CMC1: variants seen among roughly 807,000 people sequenced by gnomAD.
The protein encoded by CMC1 is COX assembly mitochondrial protein homolog.
A neutral mutation model predicts 14.1 loss-of-function variants in CMC1; 14 were observed. That is an observed-to-expected ratio of 0.99 (90% CI 0.66 to 1.55). CMC1 has a LOEUF of 1.55. CMC1 is among the 40% of genes most tolerant of loss of function. The probability of loss-of-function intolerance (pLI) is 0.00; values close to 1 mark genes in which losing one functional copy is unlikely to be tolerated. For missense variants in CMC1, 127 were observed against 123.8 expected, an observed-to-expected ratio of 1.03 and a Z score of -0.12; for synonymous variants, 50 against 38.4, an observed-to-expected ratio of 1.30 and a Z score of -1.12.
chr3:28,303,538 G>GT (rs1702160836), intron 2 of CMC1, among the ~76,000 whole-genome samples: 1 of 152,058 alleles, frequency 6.6e-6, no homozygotes, highest in South Asian at 2.1e-4. Flanking sequence ...TAAATGCTGA[G>GT]TACAGCCTTT....
chr3:28,280,950 T>C (rs541814766), intron 2 of CMC1, among the ~76,000 whole-genome samples: 186 of 152,344 alleles, frequency 1.2e-3, no homozygotes, highest in Non-Finnish European at 9.4e-4. Flanking sequence ...CATTTACTTA[T>C]GTATTGCCTA....
intron 2 of CMC1, among the ~76,000 whole-genome samples, chr3:28,285,103 G>A (rs2125531417): frequency 6.6e-6 from 1 of 152,244 alleles, no homozygotes; most frequent in East Asian, 1.9e-4. Context: ...TAAGTACTTA[G>A]GATGTAATGC....
chr3:28,283,551 CAA>C (rs5847510), intron 2 of CMC1, among the ~76,000 whole-genome samples: 23,543 of 118,244 alleles, frequency 0.2, 2,170 homozygotes, highest in Middle Eastern at 0.3. Context: ...ACAACAAAAA[CAA>C]AAAAAAAAAA....
At chr3:28,245,355 A>T (rs1576961570) in intron 1 of CMC1, among the ~76,000 whole-genome samples, 1 of 152,166 alleles carries the variant, frequency 6.6e-6, no homozygotes, top group South Asian at 2.1e-4. Flanking sequence ...ATTTTCAGAC[A>T]TGATTATATT....
intron 1 of CMC1, among the ~76,000 whole-genome samples, chr3:28,251,503 ACAAACCATATC>A (rs909912306): frequency 1.3e-5 from 2 of 152,180 alleles, no homozygotes; most frequent in African/African-American, 4.8e-5. Flanking sequence ...TTTGGTGGGG[ACAAACCATATC>A]CAAACCATAT....
intron 2 of CMC1, among the ~76,000 whole-genome samples, chr3:28,274,321 C>T (rs1331499916): frequency 6.8e-6 from 1 of 146,750 alleles, no homozygotes; most frequent in Non-Finnish European, 1.5e-5. Context: ...TGATGAATTC[C>T]CCCAGCATTT....
chr3:28,297,731 G>GA (rs1212830570), intron 2 of CMC1, among the ~76,000 whole-genome samples: 12 of 151,870 alleles, frequency 7.9e-5, no homozygotes, highest in Admixed American at 3.3e-4. Context: ...TTCCAGCTTA[G>GA]AAAAAAGGTA....
chr3:28,322,133 A>AGAACC lies in CMC1; in HGVS notation c.*2505_*2509dup, dbSNP rs1175134497. The AGAACC allele has an allele frequency of 4.0e-5, 6 of 151,268 alleles. No individual in the cohort carries two copies. The highest frequency in any genetic ancestry group is 1.5e-4 in the African/African-American group (6 of 41,332). 9.4% of individuals were successfully genotyped at this position (151,268 alleles called of 1,614,324 possible). ...TTTTTGGCTAATCTTTCCTTACTAA[A>AGAACC]GAACCTTATACATCATTTGTCTAAC... On this transcript the variant is annotated 3_prime_UTR_variant, in exon 4 of 4. Coordinates refer to ENST00000466830, the MANE Select transcript of CMC1 (RefSeq NM_182523.2).
rs1370030425 is a variant in CMC1, at chr3:28,322,378, T to C, written c.*2749T>C. 1 of 151,424 alleles carries C rather than the reference T, an allele frequency of 6.6e-6. No individual in the cohort carries two copies. 9.4% of individuals were successfully genotyped at this position (151,424 alleles called of 1,614,324 possible). On this transcript the variant is annotated 3_prime_UTR_variant, in exon 4 of 4. Coordinates refer to ENST00000466830, the MANE Select transcript of CMC1 (RefSeq NM_182523.2). ...CTTCAATTTCAAACAAAAATATTTA[T>C]TTTAATTAAACAATTTCTTGGTATT...
intron 2 of CMC1, among the ~76,000 whole-genome samples, chr3:28,280,739 C>T (rs937950281): frequency 6.6e-6 from 1 of 151,930 alleles, no homozygotes; most frequent in African/African-American, 2.4e-5. Context: ...CAGCAGAGTC[C>T]GATTGCTTAT....
intron 2 of CMC1, among the ~76,000 whole-genome samples, chr3:28,304,177 TAGTG>T (rs1324789520): frequency 1.3e-5 from 2 of 152,132 alleles, no homozygotes; most frequent in African/African-American, 2.4e-5. Context: ...TTGGGCAACA[TAGTG>T]AGACCCTGTC....
At chr3:28,282,787 C>T (rs1700965249) in intron 2 of CMC1, among the ~76,000 whole-genome samples, 2 of 152,240 alleles carry the variant, frequency 1.3e-5, no homozygotes, top group Non-Finnish European at 2.9e-5. Flanking sequence ...CCCTTTGATT[C>T]TTCATCATAA....
chr3:28,286,081 T>A (rs1258841749), intron 2 of CMC1, among the ~76,000 whole-genome samples: 1 of 152,180 alleles, frequency 6.6e-6, no homozygotes, highest in Non-Finnish European at 1.5e-5. Flanking sequence ...TCTTTTATGC[T>A]ACCTTTTTTG....
intron 1 of CMC1, 66 bp from the exon 2 acceptor site, chr3:28,263,225 C>T: frequency 8.9e-7 from 1 of 1,123,180 alleles, no homozygotes; most frequent in Non-Finnish European, 1.3e-6. Flanking sequence ...AAACCAGAGT[C>T]TTATTTTTCC....
chr3:28,246,641 G>A (rs781429554), intron 1 of CMC1, among the ~76,000 whole-genome samples: 7 of 151,922 alleles, frequency 4.6e-5, no homozygotes, highest in African/African-American at 1.2e-4. Flanking sequence ...TCTGTCTCTC[G>A]TAGGTGATGT....
chr3:28,274,764 T>C (rs1700489643), intron 2 of CMC1, among the ~76,000 whole-genome samples: 1 of 152,130 alleles, frequency 6.6e-6, no homozygotes, highest in Non-Finnish European at 1.5e-5. Flanking sequence ...GTCATAGGTT[T>C]GGTCTTTTTA....
chr3:28,305,505 G>C (rs1273903146), intron 2 of CMC1, among the ~76,000 whole-genome samples: 1 of 152,076 alleles, frequency 6.6e-6, no homozygotes, highest in Non-Finnish European at 1.5e-5. Flanking sequence ...GCTTTCCACA[G>C]GGATTGAACT....
chr3:28,313,355 A>G (rs1702736342), intron 2 of CMC1, among the ~76,000 whole-genome samples: 1 of 152,172 alleles, frequency 6.6e-6, no homozygotes, highest in African/African-American at 2.4e-5. Context: ...ATTCTTTTGT[A>G]TTATCTTAAG....
intron 1 of CMC1, 40 bp downstream of exon 1, chr3:28,241,852 C>G: frequency 8.1e-7 from 1 of 1,235,652 alleles, no homozygotes; most frequent in Non-Finnish European, 1.0e-6. Context: ...GGGGCCTCGC[C>G]CCGGGTCTCA....
Sources: allele counts gnomAD v4.1 joint callset (sites outside exome capture counted in the v4.1 genomes callset), GRCh38; gene constraint gnomAD v4.1.1; transcripts MANE v1.5; gene names NCBI Gene and HGNC (gene_info 2026-07-23, HGNC 2026-07-21).